HS3ST3A1: variants seen among roughly 807,000 people sequenced by gnomAD.
The protein encoded by HS3ST3A1 is heparan sulfate glucosamine 3-O-sulfotransferase 3A1.
In HS3ST3A1, 19 loss-of-function variants were observed where a neutral mutation model predicts 25.7. That is an observed-to-expected ratio of 0.74 (90% CI 0.52 to 1.08). The LOEUF is 1.08. Among genes scored for constraint, HS3ST3A1 ranks in the 50% least tolerant of loss-of-function variants. HS3ST3A1 has a pLI of 0.00. For synonymous variants in HS3ST3A1, 226 were observed against 278.6 expected, an observed-to-expected ratio of 0.81 and a Z score of 1.88; for missense variants, 459 against 594.3, an observed-to-expected ratio of 0.77 and a Z score of 2.37.
intron 1 of HS3ST3A1, among the ~76,000 whole-genome samples, chr17:13,520,733 G>A (rs555068529): frequency 2.0e-5 from 3 of 151,908 alleles, no homozygotes; most frequent in Non-Finnish European, 4.4e-5. Flanking sequence ...TCCTGCCTCA[G>A]CTTCCCAAAT....
chr17:13,551,863 T>C (rs3785701), intron 1 of HS3ST3A1, among the ~76,000 whole-genome samples: 3 of 151,912 alleles, frequency 2.0e-5, no homozygotes, highest in African/African-American at 7.3e-5. Context: ...TGTTTTTTCT[T>C]ATATAATTTA....
intron 1 of HS3ST3A1, among the ~76,000 whole-genome samples, chr17:13,509,734 A>G (rs1354271834): frequency 6.6e-6 from 1 of 152,198 alleles, no homozygotes; most frequent in African/African-American, 2.4e-5. Flanking sequence ...TAAAAATTAG[A>G]ACTGGAAAGA....
intron 1 of HS3ST3A1, among the ~76,000 whole-genome samples, chr17:13,500,035 T>A (rs1598405928): frequency 1.3e-5 from 2 of 152,170 alleles, no homozygotes; most frequent in African/African-American, 4.8e-5. Context: ...AATTATTTTT[T>A]TCAAAAAAGT....
chr17:13,580,683 G>A (rs781586948), intron 1 of HS3ST3A1, among the ~76,000 whole-genome samples: 5 of 151,960 alleles, frequency 3.3e-5, no homozygotes, highest in African/African-American at 7.3e-5. Context: ...ACCTGAGGTC[G>A]GAGTTCGAGA....
At chr17:13,518,937 T>G (rs1168192244) in intron 1 of HS3ST3A1, among the ~76,000 whole-genome samples, 3 of 152,236 alleles carry the variant, frequency 2.0e-5, no homozygotes, top group Non-Finnish European at 4.4e-5. Context: ...ATAACTGTTA[T>G]TGTATGTCTC....
At chr17:13,524,714 A>G (rs2142323352) in intron 1 of HS3ST3A1, among the ~76,000 whole-genome samples, 1 of 152,312 alleles carries the variant, frequency 6.6e-6, no homozygotes, top group South Asian at 2.1e-4. Context: ...ATATGGTACA[A>G]TAGTTATAGA....
intron 1 of HS3ST3A1, among the ~76,000 whole-genome samples, chr17:13,598,115 T>C (rs1908631367): frequency 6.8e-6 from 1 of 147,984 alleles, no homozygotes; most frequent in Non-Finnish European, 1.5e-5. Context: ...GTGTCTGTGA[T>C]AGTGTGGTCA....
At chr17:13,509,235 A>G (rs1451406474) in intron 1 of HS3ST3A1, among the ~76,000 whole-genome samples, 3 of 152,212 alleles carry the variant, frequency 2.0e-5, no homozygotes, top group Non-Finnish European at 4.4e-5. Context: ...ATGCTCAGCT[A>G]AGTTTTATTT....
At chr17:13,579,670 C>T (rs1908047876) in intron 1 of HS3ST3A1, among the ~76,000 whole-genome samples, 1 of 129,324 alleles carries the variant, frequency 7.7e-6, no homozygotes, top group Non-Finnish European at 1.5e-5. Context: ...TACTGCATTC[C>T]AGCCTGGGTG....
chr17:13,570,455 T>C (rs965387249), intron 1 of HS3ST3A1, among the ~76,000 whole-genome samples: 11 of 152,240 alleles, frequency 7.2e-5, no homozygotes, highest in Non-Finnish European at 8.8e-5. Flanking sequence ...AATTCCAGCA[T>C]TGCTAGCATT....
At chr17:13,579,943 TAAAAAAAAAAAAAAAA>T (rs66568347) in intron 1 of HS3ST3A1, among the ~76,000 whole-genome samples, 1 of 81,948 alleles carries the variant, frequency 1.2e-5, no homozygotes, top group South Asian at 4.5e-4. Flanking sequence ...TGACTCTGTC[TAAAAAAAAAAAAAAAA>T]AAAAAAAGAA....
At chr17:13,510,724 A>G (rs1329231951) in intron 1 of HS3ST3A1, among the ~76,000 whole-genome samples, 2 of 136,616 alleles carry the variant, frequency 1.5e-5, no homozygotes, top group Non-Finnish European at 3.2e-5. Flanking sequence ...TTTTTTTTTT[A>G]TACGAAGTCT....
intron 1 of HS3ST3A1, among the ~76,000 whole-genome samples, chr17:13,524,353 G>A (rs1031440082): frequency 6.6e-6 from 1 of 152,034 alleles, no homozygotes; most frequent in African/African-American, 2.4e-5. Context: ...AAGCTCCAGG[G>A]CTCAAGCGAT....
At chr17:13,567,573 G>T (rs1907705539) in intron 1 of HS3ST3A1, among the ~76,000 whole-genome samples, 1 of 152,210 alleles carries the variant, frequency 6.6e-6, no homozygotes, top group Non-Finnish European at 1.5e-5. Flanking sequence ...AAGAACATTT[G>T]TAATTCTTGG....
intron 1 of HS3ST3A1, among the ~76,000 whole-genome samples, chr17:13,505,706 G>A (rs1905641944): frequency 6.6e-6 from 1 of 151,902 alleles, no homozygotes; most frequent in African/African-American, 2.4e-5. Context: ...TTTTGAAGAA[G>A]GAAGTGGTGC....
intron 1 of HS3ST3A1, among the ~76,000 whole-genome samples, chr17:13,564,914 G>A (rs1907639959): frequency 6.6e-6 from 1 of 151,942 alleles, no homozygotes; most frequent in African/African-American, 2.4e-5. Flanking sequence ...TAGAGACGGG[G>A]TTCTGCCAAG....
chr17:13,596,737 G>T (rs1183079117), intron 1 of HS3ST3A1, among the ~76,000 whole-genome samples: 1 of 152,124 alleles, frequency 6.6e-6, no homozygotes, highest in Non-Finnish European at 1.5e-5. Flanking sequence ...CGGCCAGACT[G>T]CAGCTTCGTG....
chr17:13,545,320 T>A (rs1270770386), intron 1 of HS3ST3A1, among the ~76,000 whole-genome samples: 1 of 152,244 alleles, frequency 6.6e-6, no homozygotes, highest in Non-Finnish European at 1.5e-5. Context: ...GCACAATGAA[T>A]GGAGACATCA....
chr17:13,590,197 G>A (rs952835905), intron 1 of HS3ST3A1, among the ~76,000 whole-genome samples: 3 of 152,020 alleles, frequency 2.0e-5, no homozygotes, highest in East Asian at 1.9e-4. Context: ...AATCACACTC[G>A]ATGGGTTACC....
Sources: allele counts gnomAD v4.1 joint callset (sites outside exome capture counted in the v4.1 genomes callset), GRCh38; gene constraint gnomAD v4.1.1; transcripts MANE v1.5; gene names NCBI Gene and HGNC (gene_info 2026-07-23, HGNC 2026-07-21).